Variants in N4BP2L2 observed in about 807,000 individuals in gnomAD.
N4BP2L2 encodes the protein NEDD4-binding protein 2-like 2.
N4BP2L2 carries 50 observed loss-of-function variants against 56.2 expected under a neutral mutation model. The observed-to-expected ratio is 0.89, with a 90% confidence interval of 0.71 to 1.13. The LOEUF (loss-of-function observed/expected upper bound fraction) is 1.13. N4BP2L2 is among the 50% of genes most tolerant of loss of function. The pLI, the probability that N4BP2L2 is intolerant of heterozygous loss-of-function variation, is 0.00. For synonymous variants in N4BP2L2, 203 were observed against 223.6 expected, an observed-to-expected ratio of 0.91 and a Z score of 0.82; for missense variants, 689 against 693.8, an observed-to-expected ratio of 0.99 and a Z score of 0.08.
chr13:32,483,254 A>G (rs1344992514), intron 6 of N4BP2L2, among the ~76,000 whole-genome samples: 1 of 152,248 alleles, frequency 6.6e-6, no homozygotes, highest in Non-Finnish European at 1.5e-5. Flanking sequence ...GGGCAAAGCA[A>G]ATCTATCAGG....
chr13:32,464,406 G>A (rs1340240716), intron 6 of N4BP2L2, among the ~76,000 whole-genome samples: 1 of 152,106 alleles, frequency 6.6e-6, no homozygotes, highest in Non-Finnish European at 1.5e-5. Context: ...GTTTTTTTCT[G>A]GCTTCTGATG....
chr13:32,442,288 A>G, intron 7 of N4BP2L2: 4 of 1,051,174 alleles, frequency 3.8e-6, no homozygotes, highest in Non-Finnish European at 5.4e-6. Flanking sequence ...CGAGATTAAT[A>G]AACTGCATGA....
rs1407556320 is a variant in N4BP2L2 at position 32,538,636 on chromosome 13, A to G, written c.-19T>C. On this transcript the variant is annotated 5_prime_UTR_variant, in exon 1 of 6. An upstream start codon of the reference 5' UTR is lost. Coordinates refer to ENST00000267068, the Ensembl canonical transcript of N4BP2L2. ...TACTCACCTTACTCTACCCCTACGC[A>G]TTGACCTTTACCTCCCAATAAAACC... is the stretch of plus-strand genomic sequence containing the variant. 1.0e-6 allele frequency: 1 copy of G among 985,366 alleles called. No homozygotes were observed. Among genetic ancestry groups the G allele is most frequent in the African/African-American group, 1.7e-5 (1 of 57,230 alleles). The allele number at this position is 985,366 out of a possible 1,614,324, so 61.0% of individuals were successfully genotyped here. A position where few individuals can be genotyped will look rare whatever the true frequency, so the allele number is the denominator to read the frequency against.
At chr13:32,509,519 A>T (rs1032004030), downstream of N4BP2L2, 8 of 152,206 alleles carry the variant, frequency 5.3e-5, no homozygotes, top group African/African-American at 1.9e-4. Context: ...ACAGTTACTG[A>T]TTCTTAGTAA....
rs2076619615 is a variant in N4BP2L2, at chr13:32,443,385, A to C, written c.1107T>G (p.Tyr369Ter). The change falls in exon 7 of 10, where the codon TAT becomes TAG. Residue 369 changes from tyrosine to a stop codon, truncating the protein, a stop_gained. Coordinates refer to the N4BP2L2 transcript ENST00000357505. LOFTEE classifies it high-confidence loss of function. ...GAGGTCCTGCAGGCCAGCTACCAAAATAGGGCTGTCTGTCAGAGCCCAGCT... is the reference window on the plus strand; with the variant it reads ...GAGGTCCTGCAGGCCAGCTACCAAACTAGGGCTGTCTGTCAGAGCCCAGCT... 1 of 1,614,026 alleles carries C rather than the reference A, an allele frequency of 6.2e-7. No individual in the cohort carries two copies. The highest frequency in any genetic ancestry group is 1.3e-5 in the African/African-American group (1 of 75,060).
chr13:32,445,035 G>A (rs1363144325), intron 6 of N4BP2L2, among the ~76,000 whole-genome samples: 1 of 152,198 alleles, frequency 6.6e-6, no homozygotes, highest in Non-Finnish European at 1.5e-5. Flanking sequence ...GATCACCTGA[G>A]GTCAGGAGTT....
At chr13:32,484,889 T>C (rs922902766) in intron 6 of N4BP2L2, among the ~76,000 whole-genome samples, 1 of 152,208 alleles carries the variant, frequency 6.6e-6, no homozygotes, top group African/African-American at 2.4e-5. Flanking sequence ...GATAACCTCA[T>C]AACTAAATTA....
chr13:32,527,288 G>C, intron 3 of N4BP2L2, 120 bp downstream of exon 3: 1 of 1,032,966 alleles, frequency 9.7e-7, no homozygotes, highest in Non-Finnish European at 1.4e-6. Context: ...AGGTCTCAAA[G>C]CTATTTAAAC....
At chr13:32,536,487 C>G in exon 2 of N4BP2L2, 1 of 1,612,738 alleles carries the variant, frequency 6.2e-7, no homozygotes, top group East Asian at 2.2e-5. Flanking sequence ...TTTTCAAGCT[C>G]TTCAATTTCT....
At chr13:32,434,151 A>G (rs1488523265) in intron 9 of N4BP2L2, among the ~76,000 whole-genome samples, 1 of 150,374 alleles carries the variant, frequency 6.7e-6, no homozygotes, top group African/African-American at 2.4e-5. Flanking sequence ...ATCTCAGCTC[A>G]CTGCAACCTC....
intron 8 of N4BP2L2, chr13:32,436,505 A>T: frequency 2.0e-6 from 1 of 499,624 alleles, no homozygotes; most frequent in Non-Finnish European, 3.5e-6. Flanking sequence ...TAAAATGACA[A>T]AAGAAATATA....
At chr13:32,489,498 C>G (rs142342215) in intron 6 of N4BP2L2, among the ~76,000 whole-genome samples, 1 of 152,130 alleles carries the variant, frequency 6.6e-6, no homozygotes, top group East Asian at 1.9e-4. Flanking sequence ...ATAAAAACAT[C>G]ATTTTCCTGA....
In N4BP2L2 at chr13:32,536,270, ATTAC is replaced by A; in HGVS notation, c.754_757del (p.Val252TyrfsTer23). On this transcript the variant is annotated frameshift_variant, in exon 2 of 6. Coordinates refer to ENST00000267068, the Ensembl canonical transcript of N4BP2L2. LOFTEE classifies it high-confidence loss of function. Reference sequence around the variant, plus strand: ...AAATGAAGTGTCACAAAATGTAGGTATTACTTGTCCATTACAGGGATATTTGTCT... The same window carrying A: ...AAATGAAGTGTCACAAAATGTAGGTATTGTCCATTACAGGGATATTTGTCT... 6.2e-7 allele frequency: 1 copy of A among 1,613,656 alleles called. No homozygotes were observed. Among genetic ancestry groups the A allele is most frequent in the Non-Finnish European group, 8.5e-7 (1 of 1,179,968 alleles).
rs530752744 is a variant in N4BP2L2, at chr13:32,534,132, T to C, written c.1259+1637A>G. Among the ~76,000 whole-genome samples the C allele has an allele frequency of 5.5e-4, 84 of 152,334 alleles. 1 individual carries two copies. The highest frequency in any genetic ancestry group is 1.1e-3 in the Non-Finnish European group (73 of 68,024). On this transcript the variant is annotated intron_variant, in intron 2 of 5. Transcript: ENST00000267068. ...TGAAAAAACAACCCATTGCACAAGA[T>C]TTTTATATATGAAAATACTCTGTAA...
downstream of N4BP2L2, chr13:32,506,503 G>A (rs1386259374): frequency 6.6e-6 from 1 of 152,132 alleles, no homozygotes; most frequent in Non-Finnish European, 1.5e-5. Context: ...GCTAGCTGAT[G>A]ACCAAGCAAC....
At chr13:32,455,174 C>CA (rs1466594219) in intron 6 of N4BP2L2, among the ~76,000 whole-genome samples, 8 of 152,216 alleles carry the variant, frequency 5.3e-5, no homozygotes, top group Non-Finnish European at 8.8e-5. Flanking sequence ...AATATCCCCC[C>CA]ACATCTATCC....
chr13:32,504,773 A>C (rs1221670549), intron 6 of N4BP2L2: 1 of 152,158 alleles, frequency 6.6e-6, no homozygotes, highest in Non-Finnish European at 1.5e-5. Context: ...TCAAGGTTTC[A>C]CCCTGAGGCA....
At chr13:32,472,245 A>G (rs571869781) in intron 6 of N4BP2L2, among the ~76,000 whole-genome samples, 1 of 152,316 alleles carries the variant, frequency 6.6e-6, no homozygotes, top group African/African-American at 2.4e-5. Context: ...AGTTTTTTAT[A>G]AACCTAAAAC....
intron 2 of N4BP2L2, among the ~76,000 whole-genome samples, chr13:32,531,238 C>G (rs1004139470): frequency 3.9e-5 from 6 of 152,146 alleles, no homozygotes; most frequent in Non-Finnish European, 5.9e-5. Flanking sequence ...CCTACAGAAA[C>G]TACGAGGCAA....
Sources: allele counts gnomAD v4.1 joint callset (sites outside exome capture counted in the v4.1 genomes callset), GRCh38; gene constraint gnomAD v4.1.1; transcripts MANE v1.5; gene names NCBI Gene and HGNC (gene_info 2026-07-23, HGNC 2026-07-21).